The following INSYN2A variants were observed in gnomAD, a reference collection of about 807,000 sequenced individuals.
INSYN2A encodes the protein inhibitory synaptic factor 2A.
A neutral mutation model predicts 39.4 loss-of-function variants in INSYN2A; 17 were observed. The ratio of observed to expected loss-of-function variants is 0.43; its 90% confidence interval spans 0.30 to 0.65. INSYN2A has a LOEUF of 0.65. INSYN2A is among the 30% of genes least tolerant of loss of function. INSYN2A has a pLI of 0.14. For missense variants in INSYN2A, 595 were observed against 631.2 expected (o/e 0.94, Z 0.61); for synonymous variants, 255 against 265.7 (o/e 0.96, Z 0.39).
At chr10:127,193,184 G>T (rs192299413) in intron 1 of INSYN2A, among the ~76,000 whole-genome samples, 37 of 152,302 alleles carry the variant, frequency 2.4e-4, no homozygotes, top group Non-Finnish European at 4.1e-4. Context: ...TCTCCAACCA[G>T]TGGAATCATG....
At chr10:127,170,539 G>C (rs1261538947) in intron 4 of INSYN2A, among the ~76,000 whole-genome samples, 1 of 152,182 alleles carries the variant, frequency 6.6e-6, no homozygotes, top group Admixed American at 6.5e-5. Context: ...CACTTCAAGA[G>C]ACTAAATGTT....
At chr10:127,149,161 T>C (rs917275375) in intron 5 of INSYN2A, among the ~76,000 whole-genome samples, 2 of 152,186 alleles carry the variant, frequency 1.3e-5, no homozygotes, top group East Asian at 1.9e-4. Flanking sequence ...CCTTGCATAA[T>C]TGTAAAAAGC....
chr10:127,145,033 G>C (rs1191347793), intron 5 of INSYN2A, among the ~76,000 whole-genome samples: 1 of 152,194 alleles, frequency 6.6e-6, no homozygotes, highest in Admixed American at 6.5e-5. Context: ...GATGAGCTGA[G>C]CTTTCCAAAT....
In INSYN2A at chr10:127,174,614, C is replaced by T. The variant is rs7077714; in HGVS notation, c.1184+598G>A. On this transcript the variant is annotated intron_variant, in intron 4 of 5. Coordinates refer to ENST00000522781, the MANE Select transcript of INSYN2A (RefSeq NM_001039762.3). ...GCCCGTGGGGAAGGGCATCTGTCTC[C>T]TAATCATATACAGTCAGGACTGGTC... Among the ~76,000 whole-genome samples, 1,434 of 152,310 alleles carry T rather than the reference C, an allele frequency of 9.4e-3. 21 individuals are homozygous for T. The highest frequency in any genetic ancestry group is 0.033 in the African/African-American group (1,356 of 41,562).
At chr10:127,151,138 C>T (rs1002248475) in intron 5 of INSYN2A, among the ~76,000 whole-genome samples, 1 of 152,196 alleles carries the variant, frequency 6.6e-6, no homozygotes, top group Non-Finnish European at 1.5e-5. Context: ...TCTTATCCAA[C>T]ATAATAACCA....
At chr10:127,160,533 T>C (rs894588015) in intron 4 of INSYN2A, among the ~76,000 whole-genome samples, 2 of 152,184 alleles carry the variant, frequency 1.3e-5, no homozygotes, top group African/African-American at 4.8e-5. Context: ...AAATGCCTTG[T>C]TAATTTTCAG....
chr10:127,185,082 G>C (rs1326794958), intron 2 of INSYN2A, among the ~76,000 whole-genome samples: 1 of 152,182 alleles, frequency 6.6e-6, no homozygotes, highest in Non-Finnish European at 1.5e-5. Flanking sequence ...GGCTCTACCT[G>C]GGAGATGTGC....
intron 5 of INSYN2A, among the ~76,000 whole-genome samples, chr10:127,138,951 C>T (rs142781759): frequency 5.3e-5 from 8 of 152,272 alleles, no homozygotes; most frequent in Non-Finnish European, 1.2e-4. Context: ...ATAGGACCCC[C>T]GGTCCATGCA....
intron 2 of INSYN2A, among the ~76,000 whole-genome samples, chr10:127,187,905 A>G (rs976993777): frequency 5.3e-5 from 8 of 152,212 alleles, no homozygotes; most frequent in Non-Finnish European, 7.3e-5. Flanking sequence ...TATAATTTTA[A>G]TAATGCACAT....
intron 2 of INSYN2A, among the ~76,000 whole-genome samples, chr10:127,190,293 TCAGC>T (rs2056624649): frequency 6.6e-6 from 1 of 152,228 alleles, no homozygotes; most frequent in Non-Finnish European, 1.5e-5. Context: ...TCAGTACTGT[TCAGC>T]CCTGGAAGCC....
chr10:127,158,522 C>G (rs1027196299), intron 4 of INSYN2A, among the ~76,000 whole-genome samples: 20 of 152,300 alleles, frequency 1.3e-4, no homozygotes, highest in African/African-American at 4.3e-4. Flanking sequence ...GCTTGTAACT[C>G]CATGCGTGAT....
intron 2 of INSYN2A, among the ~76,000 whole-genome samples, chr10:127,191,469 AT>A (rs938539705): frequency 3.9e-5 from 6 of 152,278 alleles, no homozygotes; most frequent in African/African-American, 1.4e-4. Flanking sequence ...TCTTTGCTGC[AT>A]TTTTTAAGGA....
At chr10:127,142,904 T>C (rs1472722536) in intron 5 of INSYN2A, among the ~76,000 whole-genome samples, 1 of 152,214 alleles carries the variant, frequency 6.6e-6, no homozygotes, top group Admixed American at 6.5e-5. Flanking sequence ...ACAACATGAT[T>C]ATTCTGTACA....
chr10:127,140,348 G>A (rs748056445), intron 5 of INSYN2A, among the ~76,000 whole-genome samples: 1 of 152,130 alleles, frequency 6.6e-6, no homozygotes, highest in African/African-American at 2.4e-5. Flanking sequence ...GCTGCCCTGG[G>A]AATCTGCAAC....
Position 127,176,052 on chromosome 10 carries a change from T to G in INSYN2A, c.344A>C (p.Tyr115Ser), listed in dbSNP as rs1190295068. 1 of 1,614,002 alleles carries G rather than the reference T, an allele frequency of 6.2e-7. No homozygotes were observed. The highest frequency in any genetic ancestry group is 8.5e-7 in the Non-Finnish European group (1 of 1,180,036). The change falls in exon 4 of 6, where the codon TAC (tyrosine) becomes TCC (serine). Residue 115 changes from tyrosine (Y) to serine (S), a missense_variant. Tyr to Ser is a moderately radical substitution (Grantham distance 144, BLOSUM62 -2). Around this residue, in one of 2 missense-constraint regions of INSYN2A, gnomAD observed 478 missense variants for 467.4 expected, o/e 1.02. Transcript: ENST00000522781. This position sits in a 1 kb window ranked among gnomAD's most constrained non-coding sequence, Gnocchi z 4.4. ...VQTSPDLKKC[Y>S]QTFPLDRKKG... ...TTTGCGGTCCAGAGGGAACGTCTGG[T>G]AACACTTCTTAAGGTCGGGCGAGGT... is the stretch of plus-strand genomic sequence containing the variant.
intron 2 of INSYN2A, among the ~76,000 whole-genome samples, chr10:127,184,663 A>T (rs2056061422): frequency 6.6e-6 from 1 of 152,100 alleles, no homozygotes; most frequent in Non-Finnish European, 1.5e-5. Context: ...GCTACTCAGA[A>T]ATGCTCCATC....
intron 5 of INSYN2A, among the ~76,000 whole-genome samples, chr10:127,147,760 C>T (rs527239477): frequency 2.0e-5 from 3 of 151,338 alleles, no homozygotes; most frequent in Non-Finnish European, 2.9e-5. Context: ...TGTCTGGGCA[C>T]GGTGGCTCAT....
intron 4 of INSYN2A, among the ~76,000 whole-genome samples, chr10:127,172,157 TCAGATCTGGTACATAA>T (rs1207110754): frequency 6.6e-6 from 1 of 152,204 alleles, no homozygotes; most frequent in Admixed American, 6.6e-5. Context: ...ACTTCCCAGT[TCAGATCTGGTACATAA>T]AGTAAGCCCT....
chr10:127,193,175 CTCCAACCAGTGGAA>C (rs2134126227), intron 1 of INSYN2A, among the ~76,000 whole-genome samples: 1 of 152,252 alleles, frequency 6.6e-6, no homozygotes, highest in Non-Finnish European at 1.5e-5. Flanking sequence ...GAATGTAGGT[CTCCAACCAGTGGAA>C]TCATGGTGGG....
Sources: allele counts gnomAD v4.1 joint callset (sites outside exome capture counted in the v4.1 genomes callset), GRCh38; gene constraint gnomAD v4.1.1; regional missense constraint gnomAD v4.1.1; non-coding constraint Gnocchi (gnomAD v3.1); transcripts MANE v1.5; gene names NCBI Gene and HGNC (gene_info 2026-07-23, HGNC 2026-07-21).